The following RORB variants were observed in gnomAD, a reference collection of about 807,000 sequenced individuals.
RORB encodes the protein RAR related orphan receptor B, also known as nuclear receptor ROR-beta.
RORB carries 6 observed loss-of-function variants against 59.1 expected under a neutral mutation model. The observed-to-expected ratio is 0.10, with a 90% CI of 0.06 to 0.20. The LOEUF (loss-of-function observed/expected upper bound fraction) is 0.20. Among genes scored for constraint, RORB ranks in the 10% least tolerant of loss-of-function variants. The pLI is 1.00. For missense variants in RORB, 320 were observed against 560.5 expected, an observed-to-expected ratio of 0.57 and a Z score of 4.33; for synonymous variants, 215 against 204.5, an observed-to-expected ratio of 1.05 and a Z score of -0.44.
intron 4 of RORB, among the ~76,000 whole-genome samples, chr9:74,644,275 T>A (rs1465694048): frequency 1.3e-5 from 2 of 152,164 alleles, no homozygotes; most frequent in South Asian, 4.1e-4. Context: ...GCACCTGTAA[T>A]GACTTTCACA....
At chr9:74,502,361 C>T in intron 1 of RORB, among the ~76,000 whole-genome samples, 1 of 152,058 alleles carries the variant, frequency 6.6e-6, no homozygotes, top group East Asian at 1.9e-4. Context: ...GGATTTAATA[C>T]GATTTGATAC....
At chr9:74,580,749 G>C (rs546575961) in intron 1 of RORB, among the ~76,000 whole-genome samples, 1 of 152,074 alleles carries the variant, frequency 6.6e-6, no homozygotes, top group African/African-American at 2.4e-5. Context: ...AAGAAAACTC[G>C]CTAGCCAATG....
chr9:74,548,811 G>GTAT (rs1413020844), intron 1 of RORB, among the ~76,000 whole-genome samples: 1 of 151,966 alleles, frequency 6.6e-6, no homozygotes, highest in Non-Finnish European at 1.5e-5. Flanking sequence ...AACAAATTTA[G>GTAT]TATTCTACTC....
chr9:74,520,289 T>C (rs1826067325), intron 1 of RORB, among the ~76,000 whole-genome samples: 1 of 151,958 alleles, frequency 6.6e-6, no homozygotes, highest in Admixed American at 6.6e-5. Flanking sequence ...AATATAAAGT[T>C]GTTAATGTAA....
rs937617324 is a variant in RORB, at chr9:74,687,506, A to G, written c.*1888A>G. 8 of 152,136 alleles carry G rather than the reference A, an allele frequency of 5.3e-5. 1 individual carries two copies. The highest frequency in any genetic ancestry group is 2.9e-5 in the Non-Finnish European group (2 of 68,000). 9.4% of individuals were successfully genotyped at this position (152,136 alleles called of 1,614,324 possible). A position where few individuals can be genotyped will look rare whatever the true frequency, so the allele number is the denominator to read the frequency against. On this transcript the variant is annotated 3_prime_UTR_variant, in exon 10 of 10. Transcript: ENST00000376896. Reference sequence around the variant, plus strand: ...AGAAAACGGAACATTTTCTCACCTCATGATTGATGAATTCTAAACCAATGG... The same window carrying G: ...AGAAAACGGAACATTTTCTCACCTCGTGATTGATGAATTCTAAACCAATGG...
In RORB at chr9:74,627,159, T is replaced by TG. The variant is rs1823534319; in HGVS notation, c.8-3123_8-3122insG. ...CCTGGCAACAGAGCAAGACTCCATC[T>TG]CAAAAAAAAAAAAAAAGTATAAACT... is the stretch of plus-strand genomic sequence containing the variant. On this transcript the variant is annotated intron_variant, in intron 1 of 9. Transcript: ENST00000376896. 8.2e-5 allele frequency among the ~76,000 whole-genome samples: 4 copies of TG among 48,502 alleles called. No homozygotes were observed. In the East Asian group the frequency reaches 5.8e-3, roughly 71 times the overall value. 31.8% of individuals were successfully genotyped at this position (48,502 alleles called of 152,430 possible).
intron 8 of RORB, among the ~76,000 whole-genome samples, chr9:74,670,313 T>C (rs1309001190): frequency 1.3e-5 from 2 of 152,220 alleles, no homozygotes; most frequent in Admixed American, 1.3e-4. Context: ...CAAGGAAGCG[T>C]TAGAAAGAGT....
intron 2 of RORB, among the ~76,000 whole-genome samples, chr9:74,633,258 ATGT>A (rs1823649324): frequency 6.6e-6 from 1 of 152,186 alleles, no homozygotes; most frequent in African/African-American, 2.4e-5. Context: ...CGACCTTTAA[ATGT>A]TGTGGGCAAG....
intron 1 of RORB, among the ~76,000 whole-genome samples, chr9:74,585,116 A>G (rs1822779120): frequency 6.6e-6 from 1 of 152,180 alleles, no homozygotes; most frequent in East Asian, 1.9e-4. Context: ...AGACTAAATA[A>G]CTATTATCTC....
In RORB at chr9:74,630,370, A is replaced by T. The variant is rs558999142; in HGVS notation, c.93+3A>T. On this transcript the variant is annotated splice_donor_region_variant and intron_variant, in intron 2 of 9. Transcript: ENST00000376896. The stretch of plus-strand genomic sequence containing the variant: ...TCATCACATGTGAAGGCTGCAAGGT[A>T]TGGGACTTTCATACAGCACGGTTCT... 2 of 1,609,872 alleles carry T rather than the reference A, an allele frequency of 1.2e-6. No homozygotes were observed. Among genetic ancestry groups the T allele is most frequent in the Admixed American group, 3.3e-5 (2 of 59,856 alleles).
intron 8 of RORB, 34 bp from the exon 9 acceptor site, chr9:74,671,755 G>T: frequency 7.4e-7 from 1 of 1,358,494 alleles, no homozygotes; most frequent in Non-Finnish European, 1.0e-6. Flanking sequence ...CAAAGTTGAT[G>T]TTCCCTCCAC....
intron 1 of RORB, among the ~76,000 whole-genome samples, chr9:74,628,634 GAA>G (rs1305230491): frequency 6.6e-6 from 1 of 152,092 alleles, no homozygotes; most frequent in Non-Finnish European, 1.5e-5. Context: ...TGTAAAATAA[GAA>G]AAAGAGGGCA....
At chr9:74,588,394 T>A (rs2118278589) in intron 1 of RORB, among the ~76,000 whole-genome samples, 1 of 152,324 alleles carries the variant, frequency 6.6e-6, no homozygotes, top group Non-Finnish European at 1.5e-5. Flanking sequence ...GAGGAAAATA[T>A]TGACTTTGAC....
chr9:74,599,526 T>C (rs978930674), intron 1 of RORB, among the ~76,000 whole-genome samples: 4 of 152,324 alleles, frequency 2.6e-5, no homozygotes, highest in African/African-American at 7.2e-5. Flanking sequence ...GAATCCTAAC[T>C]AATAGTAATA....
chr9:74,577,115 T>C (rs937960388), intron 1 of RORB, among the ~76,000 whole-genome samples: 1 of 152,276 alleles, frequency 6.6e-6, no homozygotes, highest in East Asian at 1.9e-4. Flanking sequence ...ATGAAAATGT[T>C]TACCCATTAA....
chr9:74,620,000 CTCT>C (rs1823384972), intron 1 of RORB, among the ~76,000 whole-genome samples: 1 of 152,152 alleles, frequency 6.6e-6, no homozygotes, highest in African/African-American at 2.4e-5. Context: ...GTCTAAAATT[CTCT>C]TTTTTTTGCT....
At chr9:74,547,585 TTGG>T (rs1238072368) in intron 1 of RORB, among the ~76,000 whole-genome samples, 1 of 151,952 alleles carries the variant, frequency 6.6e-6, no homozygotes, top group Non-Finnish European at 1.5e-5. Context: ...AGATCTGAAG[TTGG>T]TAAGGGAGTA....
chr9:74,603,744 T>A (rs1823104603), intron 1 of RORB, among the ~76,000 whole-genome samples: 1 of 152,220 alleles, frequency 6.6e-6, no homozygotes, highest in Non-Finnish European at 1.5e-5. Context: ...AGTTTATAGA[T>A]GGCTCTAATA....
Position 74,690,059 on chromosome 9 carries a change from G to T in RORB, c.*4441G>T, listed in dbSNP as rs183352549. On this transcript the variant is annotated 3_prime_UTR_variant, in exon 10 of 10. Transcript: ENST00000376896. ...AACAGAAGCACCGTTCAATAGAACA[G>T]CAATAACCTTAAAGTGTGCATCTGT... The T allele has an allele frequency of 6.6e-6, 1 of 152,236 alleles. No homozygotes were observed. Among genetic ancestry groups the T allele is most frequent in the African/African-American group, 2.4e-5 (1 of 41,554 alleles). The allele number at this position is 152,236 out of a possible 1,614,324, so 9.4% of individuals were successfully genotyped here.
Sources: gnomAD v4.1 joint callset for allele counts (sites outside exome capture counted in the v4.1 genomes callset) on GRCh38, gnomAD v4.1.1 for gene constraint, MANE v1.5 for transcripts, NCBI Gene and HGNC (gene_info 2026-07-23, HGNC 2026-07-21) for gene names.